Variants in DLGAP1 observed in about 807,000 individuals in gnomAD.
DLGAP1 encodes the protein DLG associated protein 1, also known as disks large-associated protein 1.
Under a neutral mutation model 90.8 loss-of-function variants are expected in DLGAP1, and 11 were observed. That is an observed-to-expected ratio of 0.12 (90% CI 0.08 to 0.20). DLGAP1 has a LOEUF of 0.20. Ranked by LOEUF, DLGAP1 falls within the 10% of genes least tolerant of loss-of-function variation. The pLI is 1.00. For missense variants in DLGAP1, 1,050 were observed against 1,333.8 expected (o/e 0.79, Z 3.31); for synonymous variants, 558 against 540.7 (o/e 1.03, Z -0.44).
intron 4 of DLGAP1, among the ~76,000 whole-genome samples, chr18:3,838,152 C>T (rs982990819): frequency 4.6e-5 from 7 of 152,110 alleles, no homozygotes; most frequent in Admixed American, 4.6e-4. Flanking sequence ...ATTGAGTTTT[C>T]CTGATGTTTT....
intron 9 of DLGAP1, among the ~76,000 whole-genome samples, chr18:3,552,548 G>A (rs1275984148): frequency 6.6e-6 from 1 of 152,140 alleles, no homozygotes; most frequent in African/African-American, 2.4e-5. Context: ...CCTTGCTGTC[G>A]GGACCCTGGG....
chr18:3,850,177 G>A (rs2069255212), intron 4 of DLGAP1, among the ~76,000 whole-genome samples: 1 of 152,010 alleles, frequency 6.6e-6, no homozygotes, highest in Non-Finnish European at 1.5e-5. Context: ...GAGCAGCCTG[G>A]CCAACGTGGT....
At chr18:3,714,504 T>C (rs2061694435) in intron 7 of DLGAP1, among the ~76,000 whole-genome samples, 2 of 152,188 alleles carry the variant, frequency 1.3e-5, no homozygotes, top group African/African-American at 2.4e-5. Flanking sequence ...TTAATGTTCA[T>C]GACAAAACCT....
intron 4 of DLGAP1, among the ~76,000 whole-genome samples, chr18:3,827,348 G>T (rs1473477638): frequency 6.6e-6 from 1 of 152,132 alleles, no homozygotes; most frequent in Non-Finnish European, 1.5e-5. Context: ...GGCTTAAAAC[G>T]ATCAACAAAG....
At chr18:4,347,475 TATATC>T (rs2081321269) in intron 1 of DLGAP1, among the ~76,000 whole-genome samples, 1 of 152,060 alleles carries the variant, frequency 6.6e-6, no homozygotes, top group African/African-American at 2.4e-5. Context: ...CATAGTATTA[TATATC>T]ATATTAAGAA....
intron 2 of DLGAP1, among the ~76,000 whole-genome samples, chr18:4,115,016 T>C (rs1207503551): frequency 6.6e-6 from 1 of 152,168 alleles, no homozygotes; most frequent in African/African-American, 2.4e-5. Context: ...ATGTCTCATG[T>C]TTGTTTCATT....
chr18:4,060,875 G>C (rs1235914534), intron 2 of DLGAP1, among the ~76,000 whole-genome samples: 1 of 152,130 alleles, frequency 6.6e-6, no homozygotes, highest in Non-Finnish European at 1.5e-5. Context: ...ATCTATGTAA[G>C]TCATGAGAAA....
chr18:3,779,317 C>A (rs2065080723), intron 5 of DLGAP1, among the ~76,000 whole-genome samples: 2 of 152,270 alleles, frequency 1.3e-5, no homozygotes, highest in South Asian at 4.1e-4. Context: ...CTCAAGTGAT[C>A]CTCCCACCTT....
chr18:4,310,132 G>T (rs970346769), intron 1 of DLGAP1, among the ~76,000 whole-genome samples: 4 of 152,194 alleles, frequency 2.6e-5, no homozygotes, highest in Non-Finnish European at 4.4e-5. Flanking sequence ...TCACCTAGGA[G>T]ATACTTCTGT....
chr18:3,632,563 A>G (rs909965656), intron 7 of DLGAP1, among the ~76,000 whole-genome samples: 4 of 152,140 alleles, frequency 2.6e-5, no homozygotes, highest in African/African-American at 7.2e-5. Context: ...TCGGCCTCCC[A>G]AAGTGCTACG....
chr18:3,868,213 T>C (rs1274244759), intron 4 of DLGAP1, among the ~76,000 whole-genome samples: 1 of 152,084 alleles, frequency 6.6e-6, no homozygotes, highest in Non-Finnish European at 1.5e-5. Flanking sequence ...AGGAGTGTTA[T>C]GGGGGAATGA....
intron 1 of DLGAP1, among the ~76,000 whole-genome samples, chr18:4,269,177 G>A (rs1025325954): frequency 2.0e-5 from 3 of 151,488 alleles, no homozygotes; most frequent in Non-Finnish European, 4.4e-5. Flanking sequence ...TATAGTAAAT[G>A]TATCCAACAA....
At position 3,524,988 on chromosome 18, in the gene DLGAP1, T is replaced by C. The variant is rs564198825; in HGVS notation, c.2479+9206A>G. On this transcript the variant is annotated intron_variant, in intron 10 of 12. Transcript: ENST00000315677. ...GCACAACAGTGCTTTTTTTGTTTTG[T>C]TTTGTTTTTAGCTGAAACTTGGTGG... Among the ~76,000 whole-genome samples, 23 of 152,262 alleles carry C rather than the reference T, an allele frequency of 1.5e-4. 2 individuals carry two copies. The South Asian group carries it at 4.6e-3, about 30-fold the overall frequency.
intron 5 of DLGAP1, among the ~76,000 whole-genome samples, chr18:3,795,801 A>G (rs891044901): frequency 6.6e-6 from 1 of 152,124 alleles, no homozygotes; most frequent in African/African-American, 2.4e-5. Context: ...TTAGGGTTCC[A>G]GGGCTTGTTG....
intron 9 of DLGAP1, among the ~76,000 whole-genome samples, chr18:3,537,342 T>C (rs770227889): frequency 6.6e-6 from 1 of 152,184 alleles, no homozygotes; most frequent in Non-Finnish European, 1.5e-5. Flanking sequence ...CTCTTATTGG[T>C]GGAATCATGT....
intron 1 of DLGAP1, among the ~76,000 whole-genome samples, chr18:4,388,436 T>C (rs1362107351): frequency 6.6e-6 from 1 of 152,038 alleles, no homozygotes; most frequent in African/African-American, 2.4e-5. Context: ...CTGGAGATAC[T>C]AGAGCTAGGG....
intron 6 of DLGAP1, among the ~76,000 whole-genome samples, chr18:3,738,148 T>C (rs1249138599): frequency 1.3e-5 from 2 of 151,132 alleles, no homozygotes; most frequent in East Asian, 1.9e-4. Flanking sequence ...TGGAAGAACA[T>C]TCCATGCTCA....
chr18:3,567,042 T>TTTCATTCATTCA (rs71366684), intron 9 of DLGAP1, among the ~76,000 whole-genome samples: 24 of 144,712 alleles, frequency 1.7e-4, no homozygotes, highest in East Asian at 6.0e-4. Flanking sequence ...ATATCTTCTT[T>TTTCATTCATTCA]TTCATTCATT....
chr18:4,186,664 T>C (rs968022721), intron 1 of DLGAP1, among the ~76,000 whole-genome samples: 4 of 152,164 alleles, frequency 2.6e-5, no homozygotes, highest in Non-Finnish European at 5.9e-5. Flanking sequence ...TACCATACTG[T>C]TTTGGTTACT....
Sources: gnomAD v4.1 joint callset for allele counts (sites outside exome capture counted in the v4.1 genomes callset) on GRCh38, gnomAD v4.1.1 for gene constraint, MANE v1.5 for transcripts, NCBI Gene and HGNC (gene_info 2026-07-23, HGNC 2026-07-21) for gene names.